Variants in PSD2 observed in about 807,000 individuals in gnomAD.
PSD2 encodes pleckstrin and Sec7 domain containing 2.
In PSD2, 38 loss-of-function variants were observed where a neutral mutation model predicts 69.8. That is an observed-to-expected ratio of 0.54 (90% CI 0.42 to 0.71). The LOEUF (loss-of-function observed/expected upper bound fraction) is 0.71, where lower values mean the gene tolerates loss of function less well. PSD2 is among the 30% of genes least tolerant of loss of function. PSD2 has a pLI of 0.00. For synonymous variants in PSD2, 412 were observed against 423.0 expected, an observed-to-expected ratio of 0.97 and a Z score of 0.32; for missense variants, 943 against 1,014.5, an observed-to-expected ratio of 0.93 and a Z score of 0.96.
intron 2 of PSD2, 59 bp downstream of exon 2, chr5:139,809,870 C>T: frequency 1.3e-6 from 2 of 1,572,644 alleles, no homozygotes; most frequent in Non-Finnish European, 1.7e-6. Context: ...TGTTGTGTGG[C>T]CTGGGCTTAG....
chr5:139,813,537 TG>T lies in PSD2; in HGVS notation c.604del (p.Asp202ThrfsTer34). The T allele has an allele frequency of 6.2e-7, 1 of 1,610,226 alleles. No individual in the cohort carries two copies. The highest frequency in any genetic ancestry group is 1.3e-5 in the African/African-American group (1 of 75,004). ...CTGAGCCAGGGGCTGGGTTGGGCAT[TG>T]GGGACATGGCGTTTGAGGGGGACAT... is the stretch of plus-strand genomic sequence containing the variant. Reference protein sequence around the residue: ...SPEPGAGLGIGDMAFEGDMGA... With the variant: ...SPEPGAGLGIXDMAFEGDMGA... On this transcript the variant is annotated frameshift_variant, in exon 3 of 15. Transcript: ENST00000274710. LOFTEE classifies it high-confidence loss of function.
the PSD2 span, among the ~76,000 whole-genome samples, chr5:139,778,127 A>G: frequency 6.6e-6 from 1 of 152,254 alleles, no homozygotes; most frequent in African/African-American, 2.4e-5. Context: ...ATGTCAGTCA[A>G]AGTTGTATGC....
At chr5:139,763,589 C>T in the PSD2 span, among the ~76,000 whole-genome samples, 6 of 152,236 alleles carry the variant, frequency 3.9e-5, no homozygotes, top group Admixed American at 3.3e-4. Context: ...CAGCCCCTCA[C>T]CCCCAGGGTT....
intron 1 of PSD2, among the ~76,000 whole-genome samples, chr5:139,807,836 C>T (rs1759850892): frequency 6.6e-6 from 1 of 152,198 alleles, no homozygotes; most frequent in Admixed American, 6.5e-5. Context: ...CTTCTGGAGC[C>T]TACCCCAGTG....
chr5:139,794,036 AG>A (rs1759465197), upstream of PSD2, among the ~76,000 whole-genome samples: 1 of 152,186 alleles, frequency 6.6e-6, no homozygotes, highest in Non-Finnish European at 1.5e-5. Context: ...AGCAGAGGGC[AG>A]GGGGGTAGAA....
At chr5:139,838,896 G>A (rs1022385514) in intron 13 of PSD2, 124 bp downstream of exon 13, 15 of 1,033,244 alleles carry the variant, frequency 1.5e-5, no homozygotes, top group Middle Eastern at 3.3e-4. Context: ...GGACACCAGA[G>A]AAGGACACCT....
chr5:139,804,450 C>T (rs1759747590), intron 1 of PSD2, among the ~76,000 whole-genome samples: 1 of 152,154 alleles, frequency 6.6e-6, no homozygotes, highest in Non-Finnish European at 1.5e-5. Flanking sequence ...CTAAATGTTG[C>T]ACACATTTGT....
chr5:139,832,745 T>G (rs1010732740), intron 7 of PSD2, among the ~76,000 whole-genome samples: 2 of 152,228 alleles, frequency 1.3e-5, no homozygotes, highest in African/African-American at 4.8e-5. Flanking sequence ...GTGATAAGTA[T>G]CTGGTATTCA....
the PSD2 span, among the ~76,000 whole-genome samples, chr5:139,782,695 G>A: frequency 6.6e-6 from 1 of 151,796 alleles, no homozygotes; most frequent in Non-Finnish European, 1.5e-5. Context: ...GTTTCACCGT[G>A]TTGCCCAGGC....
At chr5:139,798,070 CT>C (rs1759573907) in intron 1 of PSD2, among the ~76,000 whole-genome samples, 1 of 152,258 alleles carries the variant, frequency 6.6e-6, no homozygotes, top group African/African-American at 2.4e-5. Flanking sequence ...GCCAGATGGT[CT>C]TTTCCAGGAA....
chr5:139,754,102 C>T, the PSD2 span, among the ~76,000 whole-genome samples: 32 of 152,192 alleles, frequency 2.1e-4, no homozygotes, highest in Middle Eastern at 0.01. Context: ...TCCCAAAGTG[C>T]TGGGATTACA....
intron 8 of PSD2, among the ~76,000 whole-genome samples, chr5:139,834,085 A>G (rs1198317928): frequency 1.3e-5 from 2 of 152,130 alleles, no homozygotes; most frequent in Admixed American, 6.6e-5. Flanking sequence ...CACAACCGCC[A>G]CCACCACCTT....
intron 1 of PSD2, among the ~76,000 whole-genome samples, chr5:139,800,188 GCTT>G (rs2068183696): frequency 6.6e-6 from 1 of 152,180 alleles, no homozygotes; most frequent in African/African-American, 2.4e-5. Context: ...ACCTCATTTT[GCTT>G]CTTCACACTT....
chr5:139,824,915 C>T (rs922806460), intron 7 of PSD2, among the ~76,000 whole-genome samples: 2 of 149,878 alleles, frequency 1.3e-5, no homozygotes, highest in African/African-American at 2.5e-5. Context: ...CTGCGAGTCC[C>T]CACAAAAAGA....
intron 1 of PSD2, among the ~76,000 whole-genome samples, chr5:139,803,252 C>G (rs997463634): frequency 1.3e-5 from 2 of 152,218 alleles, no homozygotes; most frequent in African/African-American, 4.8e-5. Context: ...TTTGATTTGC[C>G]TCTACCCTCT....
chr5:139,815,366 C>G (rs1327085333), intron 4 of PSD2, among the ~76,000 whole-genome samples: 1 of 152,200 alleles, frequency 6.6e-6, no homozygotes, highest in Non-Finnish European at 1.5e-5. Flanking sequence ...CCTGCCCTCT[C>G]CCATCTTTTC....
chr5:139,822,659 CGTCAGGAG>C, intron 6 of PSD2, 59 bp from the exon 7 acceptor site: 1 of 1,442,974 alleles, frequency 6.9e-7, no homozygotes, highest in South Asian at 1.3e-5. Context: ...TGACGGGTTC[CGTCAGGAG>C]ACAGGGAGTG....
intron 1 of PSD2, among the ~76,000 whole-genome samples, chr5:139,802,770 T>C (rs1759707197): frequency 6.6e-6 from 1 of 152,104 alleles, no homozygotes; most frequent in South Asian, 2.1e-4. Context: ...TGTACGCAAA[T>C]GCTAAGCAAA....
chr5:139,801,161 C>T (rs756480235), intron 1 of PSD2, among the ~76,000 whole-genome samples: 7 of 150,802 alleles, frequency 4.6e-5, no homozygotes, highest in African/African-American at 7.3e-5. Context: ...GCTGAGATTG[C>T]GCCACTGCAC....
Sources: allele counts gnomAD v4.1 joint callset (sites outside exome capture counted in the v4.1 genomes callset), GRCh38; gene constraint gnomAD v4.1.1; transcripts MANE v1.5; gene names NCBI Gene and HGNC (gene_info 2026-07-23, HGNC 2026-07-21).